The following FAM186A variants were observed in gnomAD, a reference collection of about 807,000 sequenced individuals.
The protein encoded by FAM186A is family with sequence similarity 186 member A.
FAM186A carries 163 observed loss-of-function variants against 216.8 expected under a neutral mutation model. That is an observed-to-expected ratio of 0.75 (90% CI 0.66 to 0.86). The LOEUF (loss-of-function observed/expected upper bound fraction) is 0.86, where lower values mean the gene tolerates loss of function less well. Among genes scored for constraint, FAM186A ranks in the 40% least tolerant of loss-of-function variants. The pLI is 0.00. For missense variants in FAM186A, 2,184 were observed against 2,746.2 expected, an observed-to-expected ratio of 0.80 and a Z score of 4.58; for synonymous variants, 805 against 1,025.3, an observed-to-expected ratio of 0.79 and a Z score of 4.10.
At chr12:50,391,228 G>A (rs926225345) in intron 1 of FAM186A, among the ~76,000 whole-genome samples, 2 of 149,150 alleles carry the variant, frequency 1.3e-5, no homozygotes, top group African/African-American at 5.0e-5. Flanking sequence ...ACCTCAGGTG[G>A]TCTGATCCAC....
At chr12:50,348,432 A>G (rs1371522893) in intron 4 of FAM186A, among the ~76,000 whole-genome samples, 1 of 152,108 alleles carries the variant, frequency 6.6e-6, no homozygotes, top group African/African-American at 2.4e-5. Flanking sequence ...CATGTTGGCC[A>G]GGGTGGTCTC....
At chr12:50,344,181 G>C (rs573758811) in intron 4 of FAM186A, among the ~76,000 whole-genome samples, 1 of 151,684 alleles carries the variant, frequency 6.6e-6, no homozygotes, top group Non-Finnish European at 1.5e-5. Context: ...TATATTGCAT[G>C]ATGCTGAGAT....
rs1419744517 is a variant in FAM186A, at chr12:50,360,977, A to G, written c.413-51T>C. ...TTTTTGTGCAGAAAAATAAATAACT[A>G]TAGCTACATAGGCTTATAATATTGG... On this transcript the variant is annotated intron_variant, in intron 2 of 7. Transcript: ENST00000327337. The G allele has an allele frequency of 3.7e-6, 5 of 1,368,074 alleles. No homozygotes were observed. The East Asian group carries it at 1.3e-4, about 35-fold the overall frequency. 84.7% of individuals were successfully genotyped at this position (1,368,074 alleles called of 1,614,324 possible).
At chr12:50,384,766 A>G (rs1028616163) in intron 1 of FAM186A, among the ~76,000 whole-genome samples, 22 of 152,308 alleles carry the variant, frequency 1.4e-4, no homozygotes, top group Admixed American at 1.2e-3. Context: ...ATTAGACTCT[A>G]AACTTACACC....
chr12:50,339,741 TAC>T (rs10611207), intron 4 of FAM186A, among the ~76,000 whole-genome samples: 2,428 of 148,498 alleles, frequency 0.016, 61 homozygotes, highest in African/African-American at 0.052. Context: ...CAAAGTACTT[TAC>T]ACACACACAC....
At chr12:50,375,035 G>A (rs1350372490) in intron 1 of FAM186A, among the ~76,000 whole-genome samples, 4 of 151,804 alleles carry the variant, frequency 2.6e-5, no homozygotes, top group African/African-American at 4.8e-5. Context: ...AAAATTAGCC[G>A]GGCGTGGTGG....
At chr12:50,378,200 G>A (rs980754406) in intron 1 of FAM186A, among the ~76,000 whole-genome samples, 5 of 146,084 alleles carry the variant, frequency 3.4e-5, no homozygotes, top group African/African-American at 7.6e-5. Context: ...CTCCAGCCTC[G>A]ACAACAAGAG....
chr12:50,395,125 C>T (rs1236170466), intron 1 of FAM186A, among the ~76,000 whole-genome samples: 4 of 152,106 alleles, frequency 2.6e-5, no homozygotes, highest in South Asian at 2.1e-4. Context: ...GACAGGGTCT[C>T]GCTATGTCAC....
At chr12:50,385,188 G>C (rs1361135952) in intron 1 of FAM186A, among the ~76,000 whole-genome samples, 3 of 150,586 alleles carry the variant, frequency 2.0e-5, no homozygotes, top group Non-Finnish European at 4.4e-5. Context: ...GGGAGGCCGA[G>C]GTGGGTGGAT....
intron 4 of FAM186A, among the ~76,000 whole-genome samples, chr12:50,339,811 G>A (rs1942745298): frequency 6.7e-6 from 1 of 149,386 alleles, no homozygotes. Context: ...TCTTTACTCT[G>A]CTACACTCTC....
At position 50,341,568 on chromosome 12, in the gene FAM186A, G is replaced by T. The variant is rs142007596; in HGVS notation, c.6504-7465C>A. On this transcript the variant is annotated intron_variant, in intron 4 of 7. Coordinates refer to ENST00000327337, the MANE Select transcript of FAM186A (RefSeq NM_001145475.3). ...AATTGAGAAAGCGACCTGACACAGT[G>T]GCTCATACCTGTAATCCCAGCACTT... 1.8e-3 allele frequency among the ~76,000 whole-genome samples: 274 copies of T among 152,322 alleles called. 1 individual carries two copies. Among genetic ancestry groups the T allele is most frequent in the Non-Finnish European group, 3.0e-3 (206 of 68,038 alleles).
chr12:50,396,010 G>A (rs548219720), intron 1 of FAM186A, among the ~76,000 whole-genome samples: 3 of 151,598 alleles, frequency 2.0e-5, no homozygotes, highest in Admixed American at 6.6e-5. Context: ...TGATCCGCCC[G>A]CCTCGGCCTC....
intron 1 of FAM186A, among the ~76,000 whole-genome samples, chr12:50,376,552 G>C (rs1304326167): frequency 2.6e-5 from 4 of 152,082 alleles, no homozygotes; most frequent in Non-Finnish European, 5.9e-5. Flanking sequence ...TCTGAGTCTG[G>C]CTAAGTCTGG....
chr12:50,362,864 G>A (rs1943049780), intron 2 of FAM186A, among the ~76,000 whole-genome samples: 1 of 151,348 alleles, frequency 6.6e-6, no homozygotes, highest in African/African-American at 2.4e-5. Flanking sequence ...TGAGCCATGT[G>A]TCCATCTGGT....
chr12:50,365,624 C>A, intron 1 of FAM186A: 1 of 598,816 alleles, frequency 1.7e-6, no homozygotes, highest in South Asian at 2.0e-5. Flanking sequence ...TCCCTTTTGC[C>A]GCCATCTCCA....
chr12:50,380,170 T>C (rs966000908), intron 1 of FAM186A, among the ~76,000 whole-genome samples: 1 of 152,180 alleles, frequency 6.6e-6, no homozygotes, highest in African/African-American at 2.4e-5. Context: ...TGTATACAAA[T>C]GAATAACATA....
At position 50,353,767 on chromosome 12, in the gene FAM186A, C is replaced by G. The variant is rs1471779956; in HGVS notation, c.3065G>C (p.Arg1022Pro). ...RWKSVLKDVQ[R>P]SYEGKEFQRN... ...CTGAAACTCTTTTCCTTCATATGAC[C>G]GCTGTACATCTTTCAATACACTCTT... Residue 1022 changes from arginine (R) to proline (P), a missense_variant, in exon 4 of 8, where the codon CGG (arginine) becomes CCG (proline). Physicochemically the swap from Arg to Pro is moderately radical, Grantham distance 103 (BLOSUM62 -2). Coordinates refer to ENST00000327337, the MANE Select transcript of FAM186A (RefSeq NM_001145475.3). 1.9e-6 allele frequency: 3 copies of G among 1,551,410 alleles called. No individual in the cohort carries two copies. Among genetic ancestry groups the G allele is most frequent in the South Asian group, 2.4e-5 (2 of 84,026 alleles).
intron 1 of FAM186A, among the ~76,000 whole-genome samples, chr12:50,372,973 ACGGAGGG>A: frequency 7.1e-6 from 1 of 140,378 alleles, no homozygotes; most frequent in Non-Finnish European, 1.5e-5. Flanking sequence ...GGAGGGAGGG[ACGGAGGG>A]AGGAAGGAAG....
chr12:50,355,362 A>T lies in FAM186A; in HGVS notation c.1470T>A (p.Pro490=). 1 of 1,551,264 alleles carries T rather than the reference A, an allele frequency of 6.4e-7. No homozygotes were observed. Among genetic ancestry groups the T allele is most frequent in the South Asian group, 1.2e-5 (1 of 84,010 alleles). Reference sequence around the variant, plus strand: ...GTACTTGTAGCTCATAGTATTGACTAGGTTTGGCCTCTGAGACTTTCTGTC... The same window carrying T: ...GTACTTGTAGCTCATAGTATTGACTTGGTTTGGCCTCTGAGACTTTCTGTC... ...KSGQKVSEAK[P]SQYYELQVLK... is the part of the protein sequence containing the mutation. Residue 490 remains proline, a synonymous_variant, in exon 4 of 8, where the codon CCT becomes CCA. Transcript: ENST00000327337.
Sources: allele counts gnomAD v4.1 joint callset (sites outside exome capture counted in the v4.1 genomes callset), GRCh38; gene constraint gnomAD v4.1.1; transcripts MANE v1.5; gene names NCBI Gene and HGNC (gene_info 2026-07-23, HGNC 2026-07-21).